Variants in SH2D4A observed in about 807,000 individuals in gnomAD.
SH2D4A encodes the protein SH2 domain-containing protein 4A.
A neutral mutation model predicts 64.7 loss-of-function variants in SH2D4A; 70 were observed. The ratio of observed to expected loss-of-function variants is 1.08; its 90% confidence interval spans 0.89 to 1.32. The LOEUF (loss-of-function observed/expected upper bound fraction) is 1.32. Ranked by LOEUF, SH2D4A falls within the 40% of genes most tolerant of loss-of-function variation. The pLI, the probability that SH2D4A is intolerant of heterozygous loss-of-function variation, is 0.00. For synonymous variants in SH2D4A, 268 were observed against 200.7 expected (o/e 1.34, Z -2.83); for missense variants, 706 against 540.1 (o/e 1.31, Z -3.04).
chr8:19,328,590 A>G (rs975319985), intron 2 of SH2D4A, among the ~76,000 whole-genome samples: 2 of 151,718 alleles, frequency 1.3e-5, no homozygotes, highest in Non-Finnish European at 2.9e-5. Flanking sequence ...GTCTCTCCCC[A>G]TTCTCTCCCC....
intron 7 of SH2D4A, among the ~76,000 whole-genome samples, chr8:19,364,844 C>T (rs1217564964): frequency 1.3e-5 from 2 of 152,138 alleles, no homozygotes; most frequent in African/African-American, 4.8e-5. Flanking sequence ...GATGAATTGT[C>T]TATTTGGTGG....
chr8:19,379,396 C>T (rs563091538), intron 8 of SH2D4A, among the ~76,000 whole-genome samples: 181 of 152,320 alleles, frequency 1.2e-3, no homozygotes, highest in Non-Finnish European at 2.1e-3. Context: ...GGATGGGCCA[C>T]AGTTTGCTTA....
intron 7 of SH2D4A, among the ~76,000 whole-genome samples, chr8:19,372,269 A>C (rs1300694712): frequency 3.3e-5 from 5 of 152,202 alleles, no homozygotes; most frequent in Non-Finnish European, 7.3e-5. Context: ...AGGGCGCTCC[A>C]AGTCCAGGCT....
chr8:19,322,625 T>G (rs889272872), intron 2 of SH2D4A, among the ~76,000 whole-genome samples: 1 of 151,086 alleles, frequency 6.6e-6, no homozygotes, highest in Non-Finnish European at 1.5e-5. Flanking sequence ...TTTTTTTTTT[T>G]TTTTTTTTAA....
chr8:19,341,663 C>T (rs753685576), intron 4 of SH2D4A, among the ~76,000 whole-genome samples: 2 of 151,806 alleles, frequency 1.3e-5, no homozygotes, highest in African/African-American at 4.8e-5. Flanking sequence ...GGCAACATGG[C>T]GAAACCCTGT....
intron 1 of SH2D4A, among the ~76,000 whole-genome samples, chr8:19,318,125 C>G (rs1013638628): frequency 6.6e-6 from 1 of 152,076 alleles, no homozygotes; most frequent in African/African-American, 2.4e-5. Flanking sequence ...AGACTGGTCT[C>G]GAACTCCTGA....
rs200411571 is a variant in SH2D4A, at chr8:19,334,871, G to A, written c.513+14G>A. On this transcript the variant is annotated intron_variant, in intron 4 of 9. Coordinates refer to ENST00000265807, the MANE Select transcript of SH2D4A (RefSeq NM_022071.4). The stretch of plus-strand genomic sequence containing the variant: ...GAGAAAATCCGAGTGAGTCCTTACT[G>A]TCTGTAGACGTGCGGAATTTCATCA... 8 of 1,583,722 alleles carry A rather than the reference G, an allele frequency of 5.1e-6. No individual in the cohort carries two copies. In the East Asian group the frequency reaches 1.3e-4, roughly 27 times the overall value.
At chr8:19,348,307 G>A (rs962907612) in intron 4 of SH2D4A, among the ~76,000 whole-genome samples, 16 of 152,050 alleles carry the variant, frequency 1.1e-4, no homozygotes, top group African/African-American at 3.9e-4. Flanking sequence ...ATGTTGCCCA[G>A]GCTGCTCTTG....
At chr8:19,392,695 G>A (rs973912658) in intron 8 of SH2D4A, among the ~76,000 whole-genome samples, 1 of 151,992 alleles carries the variant, frequency 6.6e-6, no homozygotes, top group Non-Finnish European at 1.5e-5. Context: ...TAACACCTGT[G>A]TGTTGCTCTA....
rs557898759 is a variant in SH2D4A at position 19,346,083 on chromosome 8, G to A, written c.514-11120G>A. On this transcript the variant is annotated intron_variant, in intron 4 of 9. Coordinates refer to ENST00000265807, the MANE Select transcript of SH2D4A (RefSeq NM_022071.4). Reference sequence around the variant, plus strand: ...TATTATACCGAATAAATATCCAAAAGTAAGACTGCCTGAACAAGTACCAGA... The same window carrying A: ...TATTATACCGAATAAATATCCAAAAATAAGACTGCCTGAACAAGTACCAGA... 3.6e-3 allele frequency among the ~76,000 whole-genome samples: 549 copies of A among 152,320 alleles called. 2 individuals carry two copies. The highest frequency in any genetic ancestry group is 0.014 in the Middle Eastern group (4 of 294).
intron 7 of SH2D4A, among the ~76,000 whole-genome samples, chr8:19,369,018 T>G (rs879523380): frequency 1.3e-5 from 2 of 152,186 alleles, no homozygotes; most frequent in African/African-American, 4.8e-5. Flanking sequence ...GTACTTAATG[T>G]GTTTAAAGGT....
At position 19,335,292 on chromosome 8, in the gene SH2D4A, T is replaced by C. The variant is rs574555253; in HGVS notation, c.513+435T>C. On this transcript the variant is annotated intron_variant, in intron 4 of 9. Transcript: ENST00000265807. ...GCCTGGGCGACAGAGCGAGACTCCA[T>C]CTCAAAAAAAAAAAGATCCTCTTGC... is the stretch of plus-strand genomic sequence containing the variant. Among the ~76,000 whole-genome samples, 7 of 150,732 alleles carry C rather than the reference T, an allele frequency of 4.6e-5. No homozygotes were observed. In the East Asian group the frequency reaches 1.4e-3, roughly 29 times the overall value.
chr8:19,394,506 G>C, intron 9 of SH2D4A, 44 bp from the exon 10 acceptor site: 1 of 1,341,858 alleles, frequency 7.5e-7, no homozygotes, highest in Non-Finnish European at 1.0e-6. Context: ...AAGAGCATGT[G>C]GTCACTACTT....
chr8:19,382,072 T>C (rs1349055013), intron 8 of SH2D4A, among the ~76,000 whole-genome samples: 2 of 152,188 alleles, frequency 1.3e-5, no homozygotes, highest in African/African-American at 2.4e-5. Flanking sequence ...TATAATTGCC[T>C]ATGTATTTAC....
intron 3 of SH2D4A, among the ~76,000 whole-genome samples, chr8:19,334,007 A>G (rs1455374874): frequency 2.6e-5 from 4 of 152,154 alleles, no homozygotes; most frequent in East Asian, 3.9e-4. Context: ...AGGTTTTTCA[A>G]TAGGGAAGTG....
chr8:19,386,044 G>C (rs2153651749), intron 8 of SH2D4A, among the ~76,000 whole-genome samples: 1 of 152,280 alleles, frequency 6.6e-6, no homozygotes, highest in South Asian at 2.1e-4. Flanking sequence ...ACATTTTATG[G>C]CGTGGAGAGG....
At position 19,330,204 on chromosome 8, in the gene SH2D4A, C is replaced by T. The variant is rs892886798; in HGVS notation, c.182-2751C>T. Among the ~76,000 whole-genome samples the T allele has an allele frequency of 3.3e-5, 5 of 152,118 alleles. No homozygotes were observed. The East Asian group carries it at 5.8e-4, about 18-fold the overall frequency. On this transcript the variant is annotated intron_variant, in intron 2 of 9. Coordinates refer to ENST00000265807, the MANE Select transcript of SH2D4A (RefSeq NM_022071.4). ...GTCATCCCCTCATCTGATGTGAAGC[C>T]GAGGGTATCCCAGCTAACACTCATT...
intron 4 of SH2D4A, among the ~76,000 whole-genome samples, chr8:19,337,002 C>T (rs1275815053): frequency 6.6e-6 from 1 of 151,940 alleles, no homozygotes; most frequent in Non-Finnish European, 1.5e-5. Flanking sequence ...TATTCTTTAA[C>T]CATCTCATAA....
At chr8:19,331,882 A>T (rs559566716) in intron 2 of SH2D4A, among the ~76,000 whole-genome samples, 5 of 152,308 alleles carry the variant, frequency 3.3e-5, no homozygotes, top group African/African-American at 1.2e-4. Context: ...CTAGGATTTG[A>T]ACTCAAGGTG....
Sources: gnomAD v4.1 joint callset for allele counts (sites outside exome capture counted in the v4.1 genomes callset) on GRCh38, gnomAD v4.1.1 for gene constraint, MANE v1.5 for transcripts, NCBI Gene and HGNC (gene_info 2026-07-23, HGNC 2026-07-21) for gene names.